NSUN6: variants seen among roughly 807,000 people sequenced by gnomAD.
NSUN6 encodes NOP2/Sun RNA methyltransferase 6.
In NSUN6, 64 loss-of-function variants were observed where a neutral mutation model predicts 58.0. The observed-to-expected ratio is 1.10, with a 90% CI of 0.90 to 1.36. The LOEUF is 1.36. Among genes scored for constraint, NSUN6 ranks in the 40% most tolerant of loss-of-function variants. The probability of loss-of-function intolerance (pLI) is 0.00; values close to 1 mark genes in which losing one functional copy is unlikely to be tolerated. For synonymous variants in NSUN6, 231 were observed against 193.9 expected, an observed-to-expected ratio of 1.19 and a Z score of -1.59; for missense variants, 701 against 550.1, an observed-to-expected ratio of 1.27 and a Z score of -2.74.
At chr10:18,614,681 A>G in intron 4 of NSUN6, 68 bp from the exon 5 acceptor site, 2 of 775,124 alleles carry the variant, frequency 2.6e-6, no homozygotes, top group Non-Finnish European at 1.9e-6. Flanking sequence ...AAATTATTTG[A>G]GCTAGATCGG....
At chr10:18,584,359 T>C (rs760751824) in intron 8 of NSUN6, among the ~76,000 whole-genome samples, 2 of 152,228 alleles carry the variant, frequency 1.3e-5, no homozygotes, top group Non-Finnish European at 2.9e-5. Context: ...AAACGCAGGA[T>C]GCTGTATGCC....
upstream of NSUN6, chr10:18,654,709 A>G (rs1301905918): frequency 6.6e-6 from 1 of 152,030 alleles, no homozygotes; most frequent in East Asian, 1.9e-4. Flanking sequence ...GTAAAACCCC[A>G]TCTGTACTAA....
At position 18,648,661 on chromosome 10, in the gene NSUN6, T is replaced by C. The variant is rs770747881; in HGVS notation, c.76-16A>G. On this transcript the variant is annotated splice_polypyrimidine_tract_variant and intron_variant, in intron 1 of 10. Transcript: ENST00000377304. ...CAGTCACAATCTAAAAAGAAGTTCATGTTTAAATTTCCTGAGAATTAAAAA... is the reference window on the plus strand; with the variant it reads ...CAGTCACAATCTAAAAAGAAGTTCACGTTTAAATTTCCTGAGAATTAAAAA... 3 of 1,505,204 alleles carry C rather than the reference T, an allele frequency of 2.0e-6. No individual in the cohort carries two copies. In the African/African-American group the frequency reaches 4.1e-5, roughly 21 times the overall value. 93.2% of individuals were successfully genotyped at this position (1,505,204 alleles called of 1,614,324 possible). A position where few individuals can be genotyped will look rare whatever the true frequency, so the allele number is the denominator to read the frequency against.
upstream of NSUN6, chr10:18,651,824 GTTCCCGGTAC>G: frequency 1.0e-6 from 1 of 985,432 alleles, no homozygotes; most frequent in Non-Finnish European, 1.2e-6. Flanking sequence ...AAGATATTTA[GTTCCCGGTAC>G]CGGAGGGCTA....
chr10:18,547,724 G>C (rs2133376601), intron 10 of NSUN6, among the ~76,000 whole-genome samples: 1 of 152,082 alleles, frequency 6.6e-6, no homozygotes, highest in East Asian at 1.9e-4. Context: ...AGTTATTAAA[G>C]CTCATTTGAG....
intron 8 of NSUN6, among the ~76,000 whole-genome samples, chr10:18,562,880 ATGGCATGGAG>A (rs1386390181): frequency 2.0e-5 from 3 of 150,850 alleles, no homozygotes; most frequent in African/African-American, 7.3e-5. Flanking sequence ...AGAGAATGGA[ATGGCATGGAG>A]TGGAATGGAA....
At chr10:18,571,444 A>T (rs879780461) in intron 8 of NSUN6, among the ~76,000 whole-genome samples, 2 of 129,634 alleles carry the variant, frequency 1.5e-5, no homozygotes, top group Middle Eastern at 5.7e-3. Flanking sequence ...TCCATTCCAA[A>T]CCATTCTCTA....
intron 7 of NSUN6, among the ~76,000 whole-genome samples, chr10:18,590,354 G>A (rs1445696691): frequency 6.6e-6 from 1 of 152,176 alleles, no homozygotes; most frequent in Non-Finnish European, 1.5e-5. Context: ...CAATGAGACA[G>A]AAAATTAACA....
intron 3 of NSUN6, among the ~76,000 whole-genome samples, chr10:18,638,012 G>GT (rs1293413072): frequency 1.3e-5 from 2 of 152,262 alleles, no homozygotes; most frequent in South Asian, 2.1e-4. Context: ...GACAGGAGAC[G>GT]TAACAGATGA....
chr10:18,624,555 GCA>G (rs1303747987), intron 3 of NSUN6, among the ~76,000 whole-genome samples: 1 of 146,776 alleles, frequency 6.8e-6, no homozygotes, highest in Non-Finnish European at 1.5e-5. Context: ...GGAGGCTGAG[GCA>G]GGAGAATGGC....
chr10:18,607,035 A>G (rs955271737), intron 6 of NSUN6, among the ~76,000 whole-genome samples: 4 of 152,256 alleles, frequency 2.6e-5, no homozygotes, highest in African/African-American at 9.6e-5. Context: ...AAGCATGGAT[A>G]CTGACAAAAG....
At chr10:18,646,955 G>A (rs2059563779) in intron 2 of NSUN6, among the ~76,000 whole-genome samples, 1 of 152,112 alleles carries the variant, frequency 6.6e-6, no homozygotes, top group Non-Finnish European at 1.5e-5. Context: ...TAGTTGCTTA[G>A]GGCAACTACT....
chr10:18,632,006 A>G (rs1169350472), intron 3 of NSUN6, among the ~76,000 whole-genome samples: 2 of 151,896 alleles, frequency 1.3e-5, no homozygotes, highest in African/African-American at 4.8e-5. Context: ...TTCAAACTAT[A>G]CTACAAGGCT....
chr10:18,583,467 A>C (rs975713342), intron 8 of NSUN6, among the ~76,000 whole-genome samples: 2 of 152,162 alleles, frequency 1.3e-5, no homozygotes, highest in Non-Finnish European at 2.9e-5. Context: ...AGAATATGAG[A>C]TATGCAAAGA....
At chr10:18,624,511 C>T (rs1373314339) in intron 3 of NSUN6, among the ~76,000 whole-genome samples, 1 of 151,384 alleles carries the variant, frequency 6.6e-6, no homozygotes, top group Non-Finnish European at 1.5e-5. Context: ...AAAAAATTAG[C>T]CGGGCATGGT....
chr10:18,561,651 AAATGGAATGGAATGGAG>A (rs1356278357), intron 8 of NSUN6, among the ~76,000 whole-genome samples: 28 of 146,942 alleles, frequency 1.9e-4, no homozygotes, highest in African/African-American at 5.0e-4. Context: ...ATGGTATGGA[AAATGGAATGGAATGGAG>A]AATGGAATGG....
intron 8 of NSUN6, among the ~76,000 whole-genome samples, chr10:18,570,842 CTCTATTCCAT>C (rs2056317565): frequency 6.7e-6 from 1 of 150,370 alleles, no homozygotes; most frequent in Non-Finnish European, 1.5e-5. Flanking sequence ...CCATCCCATT[CTCTATTCCAT>C]TCTCTTCCAT....
chr10:18,609,749 A>AG, intron 6 of NSUN6, 96 bp downstream of exon 6: 1 of 737,098 alleles, frequency 1.4e-6, no homozygotes, highest in Non-Finnish European at 2.3e-6. Context: ...AGTAGACCAC[A>AG]GAAAAAATCT....
intron 10 of NSUN6, among the ~76,000 whole-genome samples, chr10:18,547,708 T>C (rs1481265406): frequency 6.6e-6 from 1 of 152,172 alleles, no homozygotes; most frequent in Non-Finnish European, 1.5e-5. Context: ...TCTTCTGATA[T>C]CCCACAGTTA....
Sources: gnomAD v4.1 joint callset for allele counts (sites outside exome capture counted in the v4.1 genomes callset) on GRCh38, gnomAD v4.1.1 for gene constraint, MANE v1.5 for transcripts, NCBI Gene and HGNC (gene_info 2026-07-23, HGNC 2026-07-21) for gene names.